CDHR4: variants seen among roughly 807,000 people sequenced by gnomAD.
CDHR4 encodes the protein cadherin related family member 4.
Under a neutral mutation model 88.4 loss-of-function variants are expected in CDHR4, and 89 were observed. The observed-to-expected ratio is 1.01, with a 90% CI of 0.85 to 1.20. The LOEUF (loss-of-function observed/expected upper bound fraction) is 1.20. Ranked by LOEUF, CDHR4 falls within the 50% of genes most tolerant of loss-of-function variation. The pLI is 0.00. For synonymous variants in CDHR4, 368 were observed against 399.2 expected (o/e 0.92, Z 0.93); for missense variants, 914 against 1,007.2 (o/e 0.91, Z 1.25).
At chr3:49,793,426 C>T (rs2081214240) in intron 12 of CDHR4, 115 bp from the exon 13 acceptor site, 1 of 1,453,492 alleles carries the variant, frequency 6.9e-7, no homozygotes, top group Non-Finnish European at 9.2e-7. Context: ...ATGAAGTCAT[C>T]ACACAACAGG....
rs946138799 is a variant in CDHR4 at position 49,797,023 on chromosome 3, T to C, written c.505A>G (p.Ile169Val). Reference sequence around the variant, plus strand: ...AAGTGTGGCAGGTCCTGGGCACTGATAATGCTCATCTGACAGAACAGAGAT... The same window carrying C: ...AAGTGTGGCAGGTCCTGGGCACTGACAATGCTCATCTGACAGAACAGAGAT... ...LELHGAQMSI[I>V]SAQDLPHFPG... The change falls in exon 5 of 19, where the codon ATC becomes GTC. Residue 169 changes from isoleucine to valine, a missense_variant. By Grantham distance (29) the Ile-to-Val change is conservative. Transcript: ENST00000412678. 3.2e-6 allele frequency: 5 copies of C among 1,551,452 alleles called. No individual in the cohort carries two copies. Among genetic ancestry groups the C allele is most frequent in the Non-Finnish European group, 4.4e-6 (5 of 1,146,926 alleles).
At position 49,790,854 on chromosome 3, in the gene CDHR4, G is replaced by C; in HGVS notation, c.2345C>G (p.Thr782Arg). Residue 782 changes from threonine to arginine, a missense_variant, in exon 19 of 19, where the codon ACA (threonine) becomes AGA (arginine). Coordinates refer to ENST00000412678, the MANE Select transcript of CDHR4 (RefSeq NM_001007540.4). ...GCCTCAGAGCCAGCGCCGGGCTCCT[G>C]TGTGTGTGTTAAACAGGTAGTCTCT... is the stretch of plus-strand genomic sequence containing the variant. ...TGRDYLFNTH[T>R]GARRWL The C allele has an allele frequency of 6.5e-7, 1 of 1,547,270 alleles. No individual in the cohort carries two copies. The highest frequency in any genetic ancestry group is 8.7e-7 in the Non-Finnish European group (1 of 1,144,242).
intron 14 of CDHR4, 26 bp downstream of exon 14, chr3:49,792,828 G>T (rs1339981526): frequency 1.3e-6 from 2 of 1,511,598 alleles, no homozygotes; most frequent in Admixed American, 4.2e-5. Context: ...TTCCCACCCT[G>T]CTGAGGGCCC....
chr3:49,798,959 C>A (rs1364350102), intron 3 of CDHR4, 35 bp downstream of exon 3: 10 of 1,610,778 alleles, frequency 6.2e-6, no homozygotes, highest in Non-Finnish European at 7.6e-6. Flanking sequence ...TCAGGCCATG[C>A]CTGCCCCCAC....
chr3:49,799,671 T>C, intron 1 of CDHR4, 93 bp downstream of exon 1: 1 of 1,393,362 alleles, frequency 7.2e-7, no homozygotes, highest in Non-Finnish European at 1.0e-6. Context: ...CTTTCCTACC[T>C]CTCCCCCAAT....
Position 49,795,429 on chromosome 3 carries a change from T to A in CDHR4, c.848-50A>T. ...GGTCAGGGGTCAGGGAACACAGAGATCAGCCCCGCCTCCCAGCTCAGTCCC... is the reference window on the plus strand; with the variant it reads ...GGTCAGGGGTCAGGGAACACAGAGAACAGCCCCGCCTCCCAGCTCAGTCCC... On this transcript the variant is annotated intron_variant, in intron 7 of 18. Transcript: ENST00000412678. The surrounding 1 kb of genome is among the most constrained non-coding windows in gnomAD (Gnocchi z 5.4). 3 of 1,535,324 alleles carry A rather than the reference T, an allele frequency of 2.0e-6. No homozygotes were observed. The East Asian group carries it at 7.4e-5, about 38-fold the overall frequency.
Position 49,793,313 on chromosome 3 carries a change from T to G in CDHR4, c.1624-2A>C. ...CTCGGGGGCATGGTCATTCACATCC[T>G]GCAGAAAGGAACCAGGTTAGGAGTG... On this transcript the variant is annotated splice_acceptor_variant, in intron 12 of 18. Coordinates refer to ENST00000412678, the MANE Select transcript of CDHR4 (RefSeq NM_001007540.4). LOFTEE classifies it high-confidence loss of function. 1 of 1,551,318 alleles carries G rather than the reference T, an allele frequency of 6.4e-7. No individual in the cohort carries two copies. The highest frequency in any genetic ancestry group is 8.7e-7 in the Non-Finnish European group (1 of 1,146,954).
intron 10 of CDHR4, 54 bp downstream of exon 10, chr3:49,794,554 C>T (rs919928959): frequency 5.9e-5 from 82 of 1,385,204 alleles, no homozygotes; most frequent in Non-Finnish European, 7.0e-5. Flanking sequence ...GCATGGGAAG[C>T]GGGAGGACAG....
At position 49,791,429 on chromosome 3, in the gene CDHR4, A is replaced by C. The variant is rs1218176667; in HGVS notation, c.2311+12T>G. The C allele has an allele frequency of 6.5e-7, 1 of 1,539,686 alleles. No homozygotes were observed. The highest frequency in any genetic ancestry group is 8.7e-7 in the Non-Finnish European group (1 of 1,143,562). The stretch of plus-strand genomic sequence containing the variant: ...CCCAGGCAGAGAATAGCTTAGGAAG[A>C]GGGGGACTCACGGGAGTCCTGTGCT... On this transcript the variant is annotated intron_variant, in intron 18 of 18. Transcript: ENST00000412678.
At position 49,792,901 on chromosome 3, in the gene CDHR4, C is replaced by T. The variant is rs1464414087; in HGVS notation, c.1948G>A (p.Val650Ile). The T allele has an allele frequency of 6.4e-7, 1 of 1,550,734 alleles. No individual in the cohort carries two copies. The highest frequency in any genetic ancestry group is 8.7e-7 in the Non-Finnish European group (1 of 1,146,252). ...GCCACTGTGCTGGCCCTCCGGGGAA[C>T]TAGATGCACAATAATGGTGGCTGTG... ...STTATIIVHL[V>I]PRRASTVATS... The change falls in exon 14 of 19, where the codon GTT (valine) becomes ATT (isoleucine). Residue 650 changes from valine to isoleucine, a missense_variant. By Grantham distance (29) the Val-to-Ile change is conservative. Transcript: ENST00000412678.
intron 5 of CDHR4, among the ~76,000 whole-genome samples, chr3:49,796,256 G>T (rs1383432403): frequency 6.6e-6 from 1 of 152,158 alleles, no homozygotes; most frequent in Admixed American, 6.5e-5. Flanking sequence ...TATTCCATTA[G>T]GATACAAACA....
At chr3:49,790,939 G>C in intron 18 of CDHR4, 52 bp from the exon 19 acceptor site, 2 of 1,410,020 alleles carry the variant, frequency 1.4e-6, no homozygotes, top group Non-Finnish European at 1.9e-6. Flanking sequence ...GGCCCCAGAA[G>C]AACTGCCTCC....
chr3:49,793,577 A>G lies in CDHR4; in HGVS notation c.1623+6T>C. On this transcript the variant is annotated splice_donor_region_variant and intron_variant, in intron 12 of 18. Coordinates refer to ENST00000412678, the MANE Select transcript of CDHR4 (RefSeq NM_001007540.4). ...ATTTATTTCCAAAGCCTTAGGACGCAATTACCTCAACCTCGATGGTAATGG... is the reference window on the plus strand; with the variant it reads ...ATTTATTTCCAAAGCCTTAGGACGCGATTACCTCAACCTCGATGGTAATGG... 6.4e-7 allele frequency: 1 copy of G among 1,551,694 alleles called. No individual in the cohort carries two copies. Among genetic ancestry groups the G allele is most frequent in the Non-Finnish European group, 8.7e-7 (1 of 1,146,970 alleles).
chr3:49,793,864 A>G lies in CDHR4; in HGVS notation c.1422T>C (p.His474=). 1 of 1,551,772 alleles carries G rather than the reference A, an allele frequency of 6.4e-7. No individual in the cohort carries two copies. Residue 474 remains histidine, a synonymous_variant, in exon 11 of 19, where the codon CAT becomes CAC. Transcript: ENST00000412678. ...SVVGTDMDYP[H]DNIEYYTSGG... Reference sequence around the variant, plus strand: ...CAGAGGTGTAGTACTCAATGTTGTCATGAGGGTAATCCATATCCGTGCCCA... The same window carrying G: ...CAGAGGTGTAGTACTCAATGTTGTCGTGAGGGTAATCCATATCCGTGCCCA...
rs1161402130 is a variant in CDHR4, at chr3:49,791,721, A to G, written c.2276T>C (p.Met759Thr). 5 of 1,551,542 alleles carry G rather than the reference A, an allele frequency of 3.2e-6. No homozygotes were observed. Among genetic ancestry groups the G allele is most frequent in the Non-Finnish European group, 4.4e-6 (5 of 1,146,948 alleles). Residue 759 changes from methionine to threonine, a missense_variant, in exon 17 of 19, where the codon ATG (methionine) becomes ACG (threonine). By Grantham distance (81) the Met-to-Thr change is moderately conservative. Coordinates refer to ENST00000412678, the MANE Select transcript of CDHR4 (RefSeq NM_001007540.4). ...GATGGTGAGCTGACATACCAGACTC[A>G]TGACACTGCTGGGTGCCTGGGACAT... is the stretch of plus-strand genomic sequence containing the variant. ...MEMSQAPSSV[M>T]SLHFDGRAQD...
intron 15 of CDHR4, 147 bp downstream of exon 15, chr3:49,792,321 T>C: frequency 3.9e-6 from 4 of 1,024,182 alleles, no homozygotes; most frequent in Non-Finnish European, 5.6e-6. Context: ...TCTAAAGACC[T>C]CTGGAGGGAG....
In CDHR4 at chr3:49,793,849, G is replaced by A; in HGVS notation, c.1437C>T (p.Tyr479=). ...AGGTGGTAGGACCACCAGAGGTGTA[G>A]TACTCAATGTTGTCATGAGGGTAAT... The part of the protein sequence containing the change: ...DMDYPHDNIE[Y]YTSGGPTTFA... The change falls in exon 11 of 19, where the codon TAC becomes TAT. Residue 479 remains tyrosine, a synonymous_variant. Coordinates refer to ENST00000412678, the MANE Select transcript of CDHR4 (RefSeq NM_001007540.4). 6.4e-7 allele frequency: 1 copy of A among 1,551,784 alleles called. No individual in the cohort carries two copies. The highest frequency in any genetic ancestry group is 8.7e-7 in the Non-Finnish European group (1 of 1,146,996).
In CDHR4 at chr3:49,792,973, G is replaced by A; in HGVS notation, c.1876C>T (p.Leu626=). The part of the protein sequence containing the change: ...WPEQPRTYEL[L]ICVADAGPST... ...GGGCCTGCATCGGCCACACAGATCA[G>A]TAGCTCATAGGTACGGGGCTGCTCT... The change falls in exon 14 of 19, where the codon CTG becomes TTG. Residue 626 remains leucine (L), a synonymous_variant. Transcript: ENST00000412678. 1 of 1,551,722 alleles carries A rather than the reference G, an allele frequency of 6.4e-7. No individual in the cohort carries two copies. The highest frequency in any genetic ancestry group is 8.7e-7 in the Non-Finnish European group (1 of 1,146,992).
Position 49,795,327 on chromosome 3 carries a change from G to A in CDHR4, c.900C>T (p.Gly300=), listed in dbSNP as rs965850072. The change falls in exon 8 of 19, where the codon GGC becomes GGT. Residue 300 remains glycine, a synonymous_variant. Transcript: ENST00000412678. This position sits in a 1 kb window ranked among gnomAD's most constrained non-coding sequence, Gnocchi z 5.4. The part of the protein sequence containing the change: ...TTPLELARTS[G]TAVSRLQVKA... The stretch of plus-strand genomic sequence containing the variant: ...TCACCTGCAGCCTGGAGACCGCGGT[G>A]CCTGAGGTGCGAGCTAACTCTAGGG... 4 of 1,551,424 alleles carry A rather than the reference G, an allele frequency of 2.6e-6. No individual in the cohort carries two copies. The highest frequency in any genetic ancestry group is 2.7e-5 in the African/African-American group (2 of 73,000).
Sources: gnomAD v4.1 joint callset for allele counts (sites outside exome capture counted in the v4.1 genomes callset) on GRCh38, gnomAD v4.1.1 for gene constraint, Gnocchi (gnomAD v3.1) non-coding constraint, MANE v1.5 for transcripts, NCBI Gene and HGNC (gene_info 2026-07-23, HGNC 2026-07-21) for gene names.